The following MTA3 variants were observed in gnomAD, a reference collection of about 807,000 sequenced individuals.
MTA3 encodes the protein metastasis-associated protein MTA3.
In MTA3, 34 loss-of-function variants were observed where a neutral mutation model predicts 83.5. The ratio of observed to expected loss-of-function variants is 0.41; its 90% confidence interval spans 0.31 to 0.54. MTA3 has a LOEUF of 0.54. Among genes scored for constraint, MTA3 ranks in the 20% least tolerant of loss-of-function variants. The probability of loss-of-function intolerance (pLI) is 0.33; values close to 1 mark genes in which losing one functional copy is unlikely to be tolerated. For missense variants in MTA3, 761 were observed against 726.4 expected (o/e 1.05, Z -0.55); for synonymous variants, 303 against 252.7 (o/e 1.20, Z -1.89).
intron 4 of MTA3, among the ~76,000 whole-genome samples, chr2:42,612,564 T>G (rs1000584609): frequency 1.3e-5 from 2 of 151,978 alleles, no homozygotes; most frequent in African/African-American, 2.4e-5. Flanking sequence ...AATTTTAAGT[T>G]TAAGAAGTTA....
intron 10 of MTA3, among the ~76,000 whole-genome samples, chr2:42,696,181 A>G (rs1693374470): frequency 6.6e-6 from 1 of 152,168 alleles, no homozygotes; most frequent in African/African-American, 2.4e-5. Flanking sequence ...TTTATGAAGA[A>G]TTGAGTATTT....
rs181215233 is a variant in MTA3, at chr2:42,738,525, A to G, written c.1760-14849A>G. 8.0e-4 allele frequency among the ~76,000 whole-genome samples: 122 copies of G among 152,292 alleles called. 1 individual carries two copies. In the East Asian group the frequency reaches 0.018, roughly 23 times the overall value. Reference sequence around the variant, plus strand: ...GGAGGATGTATGTTGCCTCAGGACTATGTGATAATTGCATTAACTGCACAA... The same window carrying G: ...GGAGGATGTATGTTGCCTCAGGACTGTGTGATAATTGCATTAACTGCACAA... On this transcript the variant is annotated intron_variant, in intron 16 of 16. Transcript: ENST00000405094.
At chr2:42,524,223 G>T (rs1160133118) in intron 2 of MTA3, among the ~76,000 whole-genome samples, 2 of 151,878 alleles carry the variant, frequency 1.3e-5, no homozygotes, top group Non-Finnish European at 2.9e-5. Context: ...TAAAATTCCT[G>T]TCTTTCCCAC....
At chr2:42,562,250 T>G (rs538652573) in intron 2 of MTA3, among the ~76,000 whole-genome samples, 1 of 152,288 alleles carries the variant, frequency 6.6e-6, no homozygotes, top group South Asian at 2.1e-4. Context: ...ACACACTTTT[T>G]CCAAATAAGG....
intron 6 of MTA3, among the ~76,000 whole-genome samples, chr2:42,654,899 A>T (rs1487527917): frequency 6.6e-6 from 1 of 152,114 alleles, no homozygotes; most frequent in East Asian, 1.9e-4. Flanking sequence ...TATAGGTGTG[A>T]GCCACCACAC....
chr2:42,505,476 C>A (rs988697479), intron 2 of MTA3, among the ~76,000 whole-genome samples: 1 of 152,090 alleles, frequency 6.6e-6, no homozygotes, highest in Admixed American at 6.6e-5. Flanking sequence ...ATACTGAAAC[C>A]CACAGACTAT....
intron 2 of MTA3, among the ~76,000 whole-genome samples, chr2:42,575,710 C>T (rs1678963862): frequency 6.6e-6 from 1 of 152,336 alleles, no homozygotes; most frequent in African/African-American, 2.4e-5. Flanking sequence ...TTTTGAGCCT[C>T]ACAGAACCTT....
intron 2 of MTA3, among the ~76,000 whole-genome samples, chr2:42,515,121 C>T (rs1675081609): frequency 6.6e-6 from 1 of 151,770 alleles, no homozygotes; most frequent in Non-Finnish European, 1.5e-5. Flanking sequence ...TGCAGTGGTG[C>T]GATCTCGGCT....
intron 2 of MTA3, among the ~76,000 whole-genome samples, chr2:42,512,814 CAT>C (rs1432076342): frequency 6.6e-6 from 1 of 152,160 alleles, no homozygotes; most frequent in African/African-American, 2.4e-5. Flanking sequence ...ATATAACTTC[CAT>C]TGACTCGGCA....
At chr2:42,714,083 T>A (rs908382572) in intron 14 of MTA3, among the ~76,000 whole-genome samples, 2 of 152,188 alleles carry the variant, frequency 1.3e-5, no homozygotes, top group African/African-American at 4.8e-5. Flanking sequence ...GTGTTACCCA[T>A]CTTTGAAACC....
chr2:42,622,654 T>G (rs1685696745), intron 4 of MTA3, among the ~76,000 whole-genome samples: 1 of 152,016 alleles, frequency 6.6e-6, no homozygotes, highest in Non-Finnish European at 1.5e-5. Flanking sequence ...TTAAAAAAAT[T>G]TTTGCCTATT....
At chr2:42,680,809 T>TG (rs1691820692) in intron 8 of MTA3, among the ~76,000 whole-genome samples, 1 of 152,174 alleles carries the variant, frequency 6.6e-6, no homozygotes, top group Non-Finnish European at 1.5e-5. Flanking sequence ...TGGGGTGCAG[T>TG]GGCATGATCT....
At chr2:42,494,332 C>A (rs1674031760), upstream of MTA3, among the ~76,000 whole-genome samples, 1 of 152,190 alleles carries the variant, frequency 6.6e-6, no homozygotes, top group Non-Finnish European at 1.5e-5. Context: ...CCCAGGGCCC[C>A]TTTTAACAGC....
chr2:42,509,127 C>G (rs1431819073), intron 2 of MTA3, among the ~76,000 whole-genome samples: 1 of 151,952 alleles, frequency 6.6e-6, no homozygotes, highest in Non-Finnish European at 1.5e-5. Flanking sequence ...ACTGCAACCT[C>G]CACCTCCCAG....
chr2:42,697,343 A>C (rs1693479691), intron 10 of MTA3, among the ~76,000 whole-genome samples: 3 of 152,180 alleles, frequency 2.0e-5, no homozygotes, highest in African/African-American at 7.2e-5. Flanking sequence ...TCTTGCCTGG[A>C]TTTTGGAAAT....
At chr2:42,532,906 A>G (rs1676044019) in intron 2 of MTA3, 3 of 296,452 alleles carry the variant, frequency 1.0e-5, no homozygotes, top group African/African-American at 4.5e-5. Context: ...TTTCCTGACC[A>G]TTTTCCTTCA....
chr2:42,701,783 G>A (rs1247724351), intron 11 of MTA3, among the ~76,000 whole-genome samples: 4 of 151,326 alleles, frequency 2.6e-5, no homozygotes, highest in Non-Finnish European at 5.9e-5. Flanking sequence ...GGGTATGGTG[G>A]CGGGAGCCTG....
At chr2:42,655,885 A>G (rs7558422) in intron 6 of MTA3, among the ~76,000 whole-genome samples, 119,677 of 152,270 alleles carry the variant, frequency 0.79, 48,001 homozygotes, top group African/African-American at 0.95. Flanking sequence ...TTACAGGTGC[A>G]GGCCACCGCA....
intron 2 of MTA3, among the ~76,000 whole-genome samples, chr2:42,540,835 AAAAAAAAAAAAATT>A (rs1676486628): frequency 1.6e-5 from 1 of 64,074 alleles, no homozygotes; most frequent in Non-Finnish European, 3.4e-5. Flanking sequence ...ACCCTGTCTC[AAAAAAAAAAAAATT>A]AAAAAAAAAA....
Sources: gnomAD v4.1 joint callset for allele counts (sites outside exome capture counted in the v4.1 genomes callset) on GRCh38, gnomAD v4.1.1 for gene constraint, MANE v1.5 for transcripts, NCBI Gene and HGNC (gene_info 2026-07-23, HGNC 2026-07-21) for gene names.